ZNF550: variants seen among roughly 807,000 people sequenced by gnomAD.
ZNF550 encodes the protein zinc finger protein 550.
ZNF550 carries 42 observed loss-of-function variants against 40.2 expected under a neutral mutation model. That is an observed-to-expected ratio of 1.05 (90% CI 0.82 to 1.35). The LOEUF is 1.35. Among genes scored for constraint, ZNF550 ranks in the 40% most tolerant of loss-of-function variants. ZNF550 has a pLI of 0.00. For synonymous variants in ZNF550, 223 were observed against 198.6 expected (o/e 1.12, Z -1.03); for missense variants, 549 against 525.2 (o/e 1.05, Z -0.44).
chr19:57,544,767 ACCT>A (rs1366835176), intron 4 of ZNF550, among the ~76,000 whole-genome samples: 1 of 152,216 alleles, frequency 6.6e-6, no homozygotes, highest in Non-Finnish European at 1.5e-5. Flanking sequence ...ACACGTTTTA[ACCT>A]AACATTATCT....
chr19:57,548,795 C>A (rs1599892157), intron 3 of ZNF550, among the ~76,000 whole-genome samples: 1 of 152,174 alleles, frequency 6.6e-6, no homozygotes, highest in East Asian at 1.9e-4. Context: ...TACTGCAGTA[C>A]TAGGCACAAT....
At position 57,554,212 on chromosome 19, in the gene ZNF550, T is replaced by A. The variant is rs987256756; in HGVS notation, c.155-1490A>T. On this transcript the variant is annotated intron_variant, in intron 2 of 4. Coordinates refer to ENST00000457177, the Ensembl canonical transcript of ZNF550. This position sits in a 1 kb window ranked among gnomAD's most constrained non-coding sequence, Gnocchi z 4.5. Reference sequence around the variant, plus strand: ...GGAAAAGAAAAACCAGTGGTTGAAATAAATTGGTAATGCAAGAGTCTTCAT... The same window carrying A: ...GGAAAAGAAAAACCAGTGGTTGAAAAAAATTGGTAATGCAAGAGTCTTCAT... 14 of 152,026 alleles carry A rather than the reference T, an allele frequency of 9.2e-5. No individual in the cohort carries two copies. The highest frequency in any genetic ancestry group is 2.1e-4 in the Non-Finnish European group (14 of 68,014). The allele number at this position is 152,026 out of a possible 1,614,324, so 9.4% of individuals were successfully genotyped here.
chr19:57,556,548 A>G, intron 1 of ZNF550, 191 bp from the exon 2 acceptor site: 1 of 593,218 alleles, frequency 1.7e-6, no homozygotes, highest in Non-Finnish European at 2.9e-6. Flanking sequence ...TGTGCCTGAG[A>G]GAAAAGCCTT....
exon 3 of ZNF550, chr19:57,552,643 T>G (rs1239994999): frequency 1.3e-6 from 2 of 1,597,514 alleles, no homozygotes; most frequent in Non-Finnish European, 1.7e-6. Flanking sequence ...AGGTAGCATG[T>G]GAGAGGCCTC....
At position 57,556,435 on chromosome 19, in the gene ZNF550, C is replaced by A; in HGVS notation, c.28-78G>T. The A allele has an allele frequency of 1.9e-6, 3 of 1,538,768 alleles. No homozygotes were observed. The South Asian group carries it at 3.8e-5, about 19-fold the overall frequency. On this transcript the variant is annotated intron_variant, in intron 1 of 4. Coordinates refer to ENST00000457177, the Ensembl canonical transcript of ZNF550. Reference sequence around the variant, plus strand: ...CAGAACCTGTCACTCAGTCTCTAGTCAATGTGCAGAGAGATCCAGGTCTGA... The same window carrying A: ...CAGAACCTGTCACTCAGTCTCTAGTAAATGTGCAGAGAGATCCAGGTCTGA...
intron 2 of ZNF550, chr19:57,555,143 G>A (rs941287647): frequency 6.6e-6 from 1 of 152,170 alleles, no homozygotes; most frequent in Admixed American, 6.5e-5. Context: ...GCTCTGGTAA[G>A]TGAGAAAGTC....
chr19:57,557,902 A>G (rs1336368654), intron 1 of ZNF550, among the ~76,000 whole-genome samples: 2 of 152,252 alleles, frequency 1.3e-5, no homozygotes, highest in Admixed American at 6.5e-5. Flanking sequence ...GGCAGCTCTA[A>G]GAACTAAACA....
intron 2 of ZNF550, 140 bp from the exon 3 acceptor site, chr19:57,552,862 G>A (rs2090085651): frequency 4.8e-6 from 3 of 620,858 alleles, no homozygotes; most frequent in South Asian, 2.1e-5. Flanking sequence ...TGTGAGCCCT[G>A]AAAATCAAGG....
Position 57,547,580 on chromosome 19 carries a change from G to A in ZNF550, c.664C>T (p.Gln222Ter), listed in dbSNP as rs1334226629. ...GGTTTCATTCCAGTGTGAACCCTCT[G>A]ATGTCGAACGAGATACCACTTCCTG... The change falls in exon 4 of 5, where the codon CAG becomes TAG. Residue 222 changes from glutamine (Q) to a stop codon, truncating the protein, a stop_gained. Transcript: ENST00000457177. LOFTEE classifies it high-confidence loss of function. 3 of 1,614,050 alleles carry A rather than the reference G, an allele frequency of 1.9e-6. No individual in the cohort carries two copies. In the African/African-American group the frequency reaches 4.0e-5, roughly 22 times the overall value.
At chr19:57,544,057 G>GT (rs1385867941) in intron 4 of ZNF550, 1 of 985,432 alleles carries the variant, frequency 1.0e-6, no homozygotes, top group Non-Finnish European at 1.2e-6. Flanking sequence ...TGCTAAACAA[G>GT]TTTAAGTCAA....
At chr19:57,547,685 A>T in exon 4 of ZNF550, 1 of 1,614,146 alleles carries the variant, frequency 6.2e-7, no homozygotes, top group South Asian at 1.1e-5. Flanking sequence ...GGTTGCTGTG[A>T]GTCACATTCA....
intron 3 of ZNF550, among the ~76,000 whole-genome samples, chr19:57,551,073 T>G (rs1416569198): frequency 6.6e-6 from 1 of 152,204 alleles, no homozygotes; most frequent in Non-Finnish European, 1.5e-5. Context: ...GCAGAGATTT[T>G]TTTTAAAAAA....
chr19:57,547,904 C>T (rs766841218), exon 4 of ZNF550: 1 of 1,614,116 alleles, frequency 6.2e-7, no homozygotes, highest in South Asian at 1.1e-5. Context: ...GTTGAAGATT[C>T]CAGAGTCAGG....
At chr19:57,559,057 C>A (rs1166213368) in intron 1 of ZNF550, among the ~76,000 whole-genome samples, 1 of 152,188 alleles carries the variant, frequency 6.6e-6, no homozygotes, top group Admixed American at 6.5e-5. Context: ...CCTCCCACCT[C>A]TTTCAGCCGC....
chr19:57,545,634 A>G (rs962569162), intron 4 of ZNF550, among the ~76,000 whole-genome samples: 1 of 150,108 alleles, frequency 6.7e-6, no homozygotes, highest in Non-Finnish European at 1.5e-5. Context: ...TGTAATCCCA[A>G]CACTTTAGGA....
At chr19:57,552,051 T>G (rs752904924) in intron 3 of ZNF550, among the ~76,000 whole-genome samples, 2 of 152,206 alleles carry the variant, frequency 1.3e-5, no homozygotes, top group Non-Finnish European at 2.9e-5. Context: ...TTTATGATGA[T>G]TAAAACTGTT....
chr19:57,556,016 A>C, intron 2 of ZNF550: 1 of 533,548 alleles, frequency 1.9e-6, no homozygotes, highest in South Asian at 2.0e-5. Context: ...ATCTTGATTA[A>C]GGACCTCAGA....
chr19:57,559,451 A>G (rs1435470511), intron 1 of ZNF550, among the ~76,000 whole-genome samples: 2 of 151,884 alleles, frequency 1.3e-5, no homozygotes, highest in South Asian at 2.1e-4. Flanking sequence ...TCATACCACA[A>G]CGCCGCGCAC....
At position 57,554,662 on chromosome 19, in the gene ZNF550, A is replaced by C. The variant is rs1031226933; in HGVS notation, c.154+1569T>G. 1 of 152,300 alleles carries C rather than the reference A, an allele frequency of 6.6e-6. No individual in the cohort carries two copies. The highest frequency in any genetic ancestry group is 1.5e-5 in the Non-Finnish European group (1 of 68,090). The allele number at this position is 152,300 out of a possible 1,614,324, so 9.4% of individuals were successfully genotyped here. A position where few individuals can be genotyped will look rare whatever the true frequency, so the allele number is the denominator to read the frequency against. Reference sequence around the variant, plus strand: ...CAGAAACATCGACTGGCAGATTCTGAACCATAGCCCAGGATTCCTTCAGAC... The same window carrying C: ...CAGAAACATCGACTGGCAGATTCTGCACCATAGCCCAGGATTCCTTCAGAC... On this transcript the variant is annotated intron_variant, in intron 2 of 4. Transcript: ENST00000457177. This position sits in a 1 kb window ranked among gnomAD's most constrained non-coding sequence, Gnocchi z 4.5.
Sources: allele counts gnomAD v4.1 joint callset (sites outside exome capture counted in the v4.1 genomes callset), GRCh38; gene constraint gnomAD v4.1.1; non-coding constraint Gnocchi (gnomAD v3.1); transcripts MANE v1.5; gene names NCBI Gene and HGNC (gene_info 2026-07-23, HGNC 2026-07-21).